Variants in SMARCA1 observed in about 807,000 individuals in gnomAD.
SMARCA1 encodes the protein SWI/SNF-related matrix-associated actin-dependent regulator of chromatin subfamily A member 1.
Under a neutral mutation model 93.6 loss-of-function variants are expected in SMARCA1, and 17 were observed. That is an observed-to-expected ratio of 0.18 (90% CI 0.12 to 0.27). The LOEUF is 0.27. SMARCA1 is among the 10% of genes least tolerant of loss of function. The pLI is 1.00. For synonymous variants in SMARCA1, 271 were observed against 271.4 expected, an observed-to-expected ratio of 1.00 and a Z score of 0.01; for missense variants, 630 against 819.0, an observed-to-expected ratio of 0.77 and a Z score of 2.82.
At position 129,523,384 on chromosome X, in the gene SMARCA1, G is replaced by A. The variant is rs1935495289; in HGVS notation, c.-14C>T. The A allele has an allele frequency of 1.2e-5, 14 of 1,156,159 alleles. No individual in the cohort carries two copies. The highest frequency in any genetic ancestry group is 1.5e-5 in the Non-Finnish European group (13 of 870,120). ...GTCCTGCTCCATGCCGTGGGAGCGGGAACGAGTAGGGGGACAAGGCAGGGG... is the reference window on the plus strand; with the variant it reads ...GTCCTGCTCCATGCCGTGGGAGCGGAAACGAGTAGGGGGACAAGGCAGGGG... On this transcript the variant is annotated 5_prime_UTR_variant, in exon 1 of 25. Transcript: ENST00000371121.
rs1412628561 is a variant in SMARCA1 at position 129,487,005 on chromosome X, A to G, written c.2217+13T>C. 1.7e-6 allele frequency: 2 copies of G among 1,162,122 alleles called. No individual in the cohort carries two copies. Among genetic ancestry groups the G allele is most frequent in the African/African-American group, 3.6e-5 (2 of 55,321 alleles). On this transcript the variant is annotated intron_variant, in intron 17 of 24. Transcript: ENST00000371121. Reference sequence around the variant, plus strand: ...CTCATTTGAGGGTCTAATGGTTGAGAGTAAAAAGTTACCTTCTGTTTTTCT... The same window carrying G: ...CTCATTTGAGGGTCTAATGGTTGAGGGTAAAAAGTTACCTTCTGTTTTTCT...
At chrX:129,505,420 G>A (rs928701090) in intron 8 of SMARCA1, among the ~76,000 whole-genome samples, 1 of 110,672 alleles carries the variant, frequency 9.0e-6, no homozygotes, top group Non-Finnish European at 1.9e-5. Flanking sequence ...GCTGAGGAAG[G>A]AGAATCACTT....
intron 1 of SMARCA1, among the ~76,000 whole-genome samples, chrX:129,522,773 G>A (rs773086318): frequency 1.3e-4 from 15 of 112,240 alleles, no homozygotes; most frequent in Non-Finnish European, 2.4e-4. Flanking sequence ...GAAGGGCCCA[G>A]ATTTCCCAGG....
intron 6 of SMARCA1, among the ~76,000 whole-genome samples, chrX:129,510,656 C>T (rs955309719): frequency 2.7e-5 from 3 of 111,847 alleles, no homozygotes; most frequent in Admixed American, 9.5e-5. Flanking sequence ...TTAAATATAC[C>T]GAGACATTAT....
At chrX:129,497,476 C>T in intron 11 of SMARCA1, among the ~76,000 whole-genome samples, 1 of 111,925 alleles carries the variant, frequency 8.9e-6, no homozygotes, top group Non-Finnish European at 1.9e-5. Context: ...TTGTTTCACG[C>T]CTCTGTTTCA....
intron 20 of SMARCA1, among the ~76,000 whole-genome samples, 191 bp from the exon 21 acceptor site, chrX:129,469,096 T>G (rs923159073): frequency 4.4e-5 from 5 of 112,539 alleles, no homozygotes; most frequent in East Asian, 5.5e-4. Flanking sequence ...ATAACTGCTT[T>G]TCTATTACAA....
In SMARCA1 at chrX:129,523,193, T is replaced by C; in HGVS notation, c.174+4A>G. On this transcript the variant is annotated splice_donor_region_variant and intron_variant, in intron 1 of 24. Coordinates refer to ENST00000371121, the MANE Select transcript of SMARCA1 (RefSeq NM_001282874.2). ...CACCACACACACACCCCCTTCCTAT[T>C]TACCTCCTTCTTCTTCTCGCCCTTC... The C allele has an allele frequency of 8.3e-7, 1 of 1,210,073 alleles. No homozygotes were observed. Among genetic ancestry groups the C allele is most frequent in the Non-Finnish European group, 1.1e-6 (1 of 894,413 alleles).
At chrX:129,463,830 G>C (rs992757865) in intron 23 of SMARCA1, among the ~76,000 whole-genome samples, 1 of 110,696 alleles carries the variant, frequency 9.0e-6, no homozygotes. Flanking sequence ...CCAGCTACTC[G>C]GGAGGCTGAG....
At chrX:129,462,055 A>AT (rs1450599656) in intron 23 of SMARCA1, among the ~76,000 whole-genome samples, 1 of 112,157 alleles carries the variant, frequency 8.9e-6, no homozygotes, top group South Asian at 3.7e-4. Context: ...GGAGCCATGA[A>AT]TTCAGTACTT....
At chrX:129,496,999 GCACACA>G (rs56171349) in intron 11 of SMARCA1, 128 bp from the exon 12 acceptor site, 82 of 418,363 alleles carry the variant, frequency 2.0e-4, no homozygotes, top group African/African-American at 4.7e-4. Flanking sequence ...ACACACACGT[GCACACA>G]CACACACACA....
chrX:129,501,591 C>T (rs983593614), intron 9 of SMARCA1, among the ~76,000 whole-genome samples: 11 of 108,423 alleles, frequency 1.0e-4, no homozygotes, highest in Non-Finnish European at 1.1e-4. Context: ...CCACTGCGCC[C>T]GGCCCGCCAA....
intron 17 of SMARCA1, among the ~76,000 whole-genome samples, chrX:129,485,846 C>T (rs1232627107): frequency 9.0e-6 from 1 of 111,670 alleles, no homozygotes; most frequent in Non-Finnish European, 1.9e-5. Context: ...CACACACCAG[C>T]TCTCCTTTGC....
At position 129,506,230 on chromosome X, in the gene SMARCA1, A is replaced by G; in HGVS notation, c.967-19T>C. On this transcript the variant is annotated intron_variant, in intron 7 of 24. Transcript: ENST00000371121. ...CTGAAAGCTAGAAAATAATACTCAT[A>G]TGAGGATTATTTTACTTATTAGAAT... 1 of 1,114,724 alleles carries G rather than the reference A, an allele frequency of 9.0e-7. No homozygotes were observed. The highest frequency in any genetic ancestry group is 1.2e-6 in the Non-Finnish European group (1 of 812,175). The allele number at this position is 1,114,724 out of a possible 1,213,427, so 91.9% of individuals were successfully genotyped here. A position where few individuals can be genotyped will look rare whatever the true frequency, so the allele number is the denominator to read the frequency against.
chrX:129,467,023 T>C (rs975766002), intron 21 of SMARCA1, among the ~76,000 whole-genome samples: 1 of 112,024 alleles, frequency 8.9e-6, no homozygotes, highest in Non-Finnish European at 1.9e-5. Context: ...TTAGAGCCTA[T>C]CAAGAAAGGT....
At chrX:129,474,810 G>C (rs1933296122) in intron 19 of SMARCA1, among the ~76,000 whole-genome samples, 1 of 111,229 alleles carries the variant, frequency 9.0e-6, no homozygotes, top group Admixed American at 9.6e-5. Context: ...ATGTGTCATG[G>C]GAAGGACCCA....
chrX:129,508,209 G>A, intron 6 of SMARCA1, 113 bp from the exon 7 acceptor site: 2 of 482,589 alleles, frequency 4.1e-6, no homozygotes, highest in Non-Finnish European at 6.2e-6. Flanking sequence ...GAGACCCTGA[G>A]GATCATTTAG....
At chrX:129,517,855 A>G (rs1392190125) in intron 2 of SMARCA1, among the ~76,000 whole-genome samples, 1 of 111,850 alleles carries the variant, frequency 8.9e-6, no homozygotes, top group Non-Finnish European at 1.9e-5. Context: ...TGCTGCTTAA[A>G]TATGTGATAT....
At chrX:129,448,515 A>T in intron 23 of SMARCA1, 72 bp from the exon 24 acceptor site, 1 of 933,119 alleles carries the variant, frequency 1.1e-6, no homozygotes, top group Admixed American at 2.7e-5. Context: ...CAACTATTTA[A>T]CTGTATGATT....
chrX:129,484,724 G>C (rs1014332106), intron 17 of SMARCA1, among the ~76,000 whole-genome samples: 1 of 111,495 alleles, frequency 9.0e-6, no homozygotes, highest in South Asian at 3.8e-4. Flanking sequence ...TGGGGAGAAG[G>C]GGTAGATCTT....
Sources: gnomAD v4.1 joint callset for allele counts (sites outside exome capture counted in the v4.1 genomes callset) on GRCh38, gnomAD v4.1.1 for gene constraint, MANE v1.5 for transcripts, NCBI Gene and HGNC (gene_info 2026-07-23, HGNC 2026-07-21) for gene names.